Variants in CFAP54 observed in about 807,000 individuals in gnomAD.
CFAP54 encodes cilia and flagella associated protein 54.
CFAP54 carries 290 observed loss-of-function variants against 370.4 expected under a neutral mutation model. That is an observed-to-expected ratio of 0.78 (90% confidence interval 0.71 to 0.86). The LOEUF is 0.86. Ranked by LOEUF, CFAP54 falls within the 40% of genes least tolerant of loss-of-function variation. CFAP54 has a pLI of 0.00. For synonymous variants in CFAP54, 1,206 were observed against 1,236.5 expected (o/e 0.98, Z 0.52); for missense variants, 3,399 against 3,528.7 (o/e 0.96, Z 0.93).
At chr12:96,736,511 A>G (rs1012619658) in intron 50 of CFAP54, among the ~76,000 whole-genome samples, 1 of 152,214 alleles carries the variant, frequency 6.6e-6, no homozygotes, top group Non-Finnish European at 1.5e-5. Flanking sequence ...TAGGCAGAGG[A>G]TGGAAAATAA....
chr12:96,713,908 G>A (rs1957643263), intron 48 of CFAP54, among the ~76,000 whole-genome samples: 1 of 152,138 alleles, frequency 6.6e-6, no homozygotes, highest in African/African-American at 2.4e-5. Flanking sequence ...AAAGTTCCAG[G>A]AGAGGCTGTC....
chr12:96,671,223 TG>T (rs1051214021), intron 39 of CFAP54, among the ~76,000 whole-genome samples: 2 of 152,122 alleles, frequency 1.3e-5, no homozygotes, highest in African/African-American at 4.8e-5. Flanking sequence ...CCACTCGCCT[TG>T]GCCTCCCAAA....
chr12:96,711,382 A>G (rs1957611858), intron 48 of CFAP54, among the ~76,000 whole-genome samples: 1 of 151,614 alleles, frequency 6.6e-6, no homozygotes, highest in African/African-American at 2.4e-5. Context: ...ATTATTATCT[A>G]TTTCAATCTT....
chr12:96,601,632 G>C (rs899464406), intron 26 of CFAP54, among the ~76,000 whole-genome samples: 3 of 152,130 alleles, frequency 2.0e-5, no homozygotes, highest in Non-Finnish European at 2.9e-5. Context: ...CTCAATTTCA[G>C]AACCTGTTAT....
At chr12:96,867,211 C>T (rs543217831) in intron 67 of CFAP54, among the ~76,000 whole-genome samples, 2 of 152,268 alleles carry the variant, frequency 1.3e-5, no homozygotes, top group South Asian at 2.1e-4. Flanking sequence ...TTCAAGCATA[C>T]ATTTGTTCAT....
chr12:96,826,242 G>T (rs1224823592), intron 65 of CFAP54, among the ~76,000 whole-genome samples: 1 of 140,354 alleles, frequency 7.1e-6, no homozygotes, highest in African/African-American at 2.6e-5. Flanking sequence ...CAAATTTCAG[G>T]GTTCTAAAAC....
At chr12:96,533,689 G>A (rs1360016803) in intron 9 of CFAP54, 103 bp from the exon 10 acceptor site, 5 of 861,570 alleles carry the variant, frequency 5.8e-6, no homozygotes, top group Non-Finnish European at 8.3e-6. Flanking sequence ...TCTTATGAAA[G>A]CAGGGATTGT....
intron 26 of CFAP54, among the ~76,000 whole-genome samples, chr12:96,603,413 T>C (rs1956265391): frequency 6.6e-6 from 1 of 152,204 alleles, no homozygotes; most frequent in Non-Finnish European, 1.5e-5. Flanking sequence ...TCAACTTTAG[T>C]GAATCTGACA....
At chr12:96,728,839 G>A (rs1334624586) in intron 50 of CFAP54, among the ~76,000 whole-genome samples, 1 of 152,158 alleles carries the variant, frequency 6.6e-6, no homozygotes, top group African/African-American at 2.4e-5. Context: ...TGATGGTGAT[G>A]TACAGATGGG....
intron 26 of CFAP54, among the ~76,000 whole-genome samples, chr12:96,604,634 C>T (rs1277423878): frequency 6.6e-6 from 1 of 152,206 alleles, no homozygotes. Context: ...TTCCCTGCCA[C>T]TTTGTTTACA....
At chr12:96,786,598 G>A in intron 61 of CFAP54, 77 bp from the exon 62 acceptor site, 1 of 1,077,602 alleles carries the variant, frequency 9.3e-7, no homozygotes, top group South Asian at 1.6e-5. Flanking sequence ...ATAGTGGTTA[G>A]TGAGCAAATA....
At chr12:96,557,689 G>A (rs11108582) in intron 17 of CFAP54, among the ~76,000 whole-genome samples, 13,983 of 151,978 alleles carry the variant, frequency 0.092, 1,112 homozygotes, top group East Asian at 0.45. Context: ...TCAGTGTGAT[G>A]GGAGGATGGG....
chr12:96,562,378 T>C (rs1461757290), intron 17 of CFAP54, among the ~76,000 whole-genome samples: 1 of 151,910 alleles, frequency 6.6e-6, no homozygotes, highest in Non-Finnish European at 1.5e-5. Context: ...TATTTTTAAT[T>C]TTTTTTTCAA....
intron 49 of CFAP54, 39 bp from the exon 50 acceptor site, chr12:96,720,366 A>C (rs771601620): frequency 1.6e-5 from 22 of 1,341,906 alleles, no homozygotes; most frequent in Non-Finnish European, 2.0e-5. Context: ...TATTTGTATT[A>C]TTTCTGAACT....
At chr12:96,854,186 C>G (rs1204511139) in intron 66 of CFAP54, among the ~76,000 whole-genome samples, 3 of 152,042 alleles carry the variant, frequency 2.0e-5, no homozygotes, top group African/African-American at 7.2e-5. Flanking sequence ...AATAGGTGGA[C>G]TATTTAGTGC....
chr12:96,581,259 G>A (rs1443227319), intron 22 of CFAP54, among the ~76,000 whole-genome samples, 154 bp downstream of exon 22: 1 of 152,014 alleles, frequency 6.6e-6, no homozygotes, highest in African/African-American at 2.4e-5. Flanking sequence ...CATAAAATAT[G>A]AATCATTCCT....
intron 66 of CFAP54, among the ~76,000 whole-genome samples, chr12:96,851,121 G>C (rs991486971): frequency 4.6e-5 from 7 of 151,116 alleles, no homozygotes; most frequent in Admixed American, 2.0e-4. Context: ...TTTTTTTTTA[G>C]AATCTTGAAC....
chr12:96,623,406 T>A (rs1956520890), intron 27 of CFAP54, among the ~76,000 whole-genome samples: 1 of 152,192 alleles, frequency 6.6e-6, no homozygotes, highest in Non-Finnish European at 1.5e-5. Context: ...AATAAAGGGA[T>A]ACATTTCTGA....
chr12:96,641,550 C>T (rs1281349222), intron 32 of CFAP54, among the ~76,000 whole-genome samples: 3 of 152,028 alleles, frequency 2.0e-5, no homozygotes, highest in Non-Finnish European at 2.9e-5. Flanking sequence ...ACTAGAAATA[C>T]CATTTGACCC....
Sources: gnomAD v4.1 joint callset for allele counts (sites outside exome capture counted in the v4.1 genomes callset) on GRCh38, gnomAD v4.1.1 for gene constraint, MANE v1.5 for transcripts, NCBI Gene and HGNC (gene_info 2026-07-23, HGNC 2026-07-21) for gene names.